Variants in RBFOX1 observed in about 807,000 individuals in gnomAD.
The protein encoded by RBFOX1 is RNA binding fox-1 homolog 1.
RBFOX1 carries 8 observed loss-of-function variants against 57.7 expected under a neutral mutation model. The ratio of observed to expected loss-of-function variants is 0.14; its 90% confidence interval spans 0.08 to 0.25. RBFOX1 has a LOEUF of 0.25. RBFOX1 is among the 10% of genes least tolerant of loss of function. The pLI is 1.00. For synonymous variants in RBFOX1, 326 were observed against 222.4 expected, an observed-to-expected ratio of 1.47 and a Z score of -4.15; for missense variants, 611 against 548.5, an observed-to-expected ratio of 1.11 and a Z score of -1.14.
At chr16:6,629,415 CAA>C (rs1030551938) in intron 2 of RBFOX1, among the ~76,000 whole-genome samples, 1 of 152,208 alleles carries the variant, frequency 6.6e-6, no homozygotes, top group African/African-American at 2.4e-5. Context: ...TACAATTTTT[CAA>C]AGTCAGCCTT....
At chr16:7,687,148 CCT>C (rs1351712074) in intron 14 of RBFOX1, among the ~76,000 whole-genome samples, 1 of 151,878 alleles carries the variant, frequency 6.6e-6, no homozygotes, top group East Asian at 1.9e-4. Context: ...CTGTGTATAC[CCT>C]GTCTCATTCT....
chr16:6,488,670 A>G (rs2095558901), intron 2 of RBFOX1, among the ~76,000 whole-genome samples: 1 of 152,212 alleles, frequency 6.6e-6, no homozygotes, highest in Non-Finnish European at 1.5e-5. Flanking sequence ...ATCTGTTTAC[A>G]CATAATGGGT....
At chr16:6,261,928 G>A (rs903045811) in intron 1 of RBFOX1, among the ~76,000 whole-genome samples, 1 of 152,080 alleles carries the variant, frequency 6.6e-6, no homozygotes, top group African/African-American at 2.4e-5. Flanking sequence ...TACTTGGGAG[G>A]CTGAGGCATG....
intron 1 of RBFOX1, among the ~76,000 whole-genome samples, chr16:6,282,565 T>G: frequency 6.6e-6 from 1 of 151,908 alleles, no homozygotes. Flanking sequence ...GGCCCCAGTG[T>G]GTGATATTCC....
At chr16:7,665,934 C>T (rs1229662793) in intron 13 of RBFOX1, among the ~76,000 whole-genome samples, 1 of 152,124 alleles carries the variant, frequency 6.6e-6, no homozygotes, top group African/African-American at 2.4e-5. Context: ...TATGTATCTC[C>T]ATCAATAATA....
chr16:6,083,608 C>T (rs753094961), intron 1 of RBFOX1, among the ~76,000 whole-genome samples: 1 of 152,148 alleles, frequency 6.6e-6, no homozygotes, highest in Non-Finnish European at 1.5e-5. Context: ...TCCCAAGTAG[C>T]TTGGACCACA....
chr16:5,273,092 C>G (rs373640581), intron 1 of RBFOX1, among the ~76,000 whole-genome samples: 2 of 152,114 alleles, frequency 1.3e-5, no homozygotes, highest in African/African-American at 2.4e-5. Context: ...AAGAGAAACT[C>G]GTTCTCTTTA....
intron 2 of RBFOX1, among the ~76,000 whole-genome samples, chr16:6,362,190 A>G (rs995936308): frequency 6.6e-6 from 1 of 152,084 alleles, no homozygotes; most frequent in African/African-American, 2.4e-5. Flanking sequence ...CCCCCCAAAA[A>G]ACAAAATTAA....
intron 1 of RBFOX1, among the ~76,000 whole-genome samples, chr16:5,376,929 TAGCACACCCTGCAC>T (rs57768463): frequency 0.21 from 31,916 of 151,392 alleles, 3,898 homozygotes; most frequent in African/African-American, 0.24. Flanking sequence ...AGTCTCTTCA[TAGCACACCCTGCAC>T]TGGCTTCCCT....
chr16:7,121,640 G>T (rs1600231), intron 4 of RBFOX1, among the ~76,000 whole-genome samples: 2 of 151,836 alleles, frequency 1.3e-5, no homozygotes, highest in Admixed American at 1.3e-4. Context: ...TGGTGTATAA[G>T]TTTAACACAA....
At position 6,211,820 on chromosome 16, in the gene RBFOX1, TTTTATTTATTTATTTATTTA is replaced by T. The variant is rs200566514; in HGVS notation, c.-126-105147_-126-105128del. ...TTCCATCCACTTAAAGGAATACATCTTTTATTTATTTATTTATTTATTTATTTATTTATTTATTTATTTAT... is the reference window on the plus strand; with the variant it reads ...TTCCATCCACTTAAAGGAATACATCTTTTATTTATTTATTTATTTATTTAT... On this transcript the variant is annotated intron_variant, in intron 1 of 15. Coordinates refer to ENST00000550418, the MANE Select transcript of RBFOX1 (RefSeq NM_018723.4). Among the ~76,000 whole-genome samples, 21 of 140,876 alleles carry T rather than the reference TTTTATTTATTTATTTATTTA, an allele frequency of 1.5e-4. 2 individuals are homozygous for T. The highest frequency in any genetic ancestry group is 1.3e-3 in the South Asian group (6 of 4,446). The allele number at this position is 140,876 out of a possible 152,430, so 92.4% of individuals were successfully genotyped here.
At chr16:5,620,486 TC>T (rs1596481483) in intron 3 of RBFOX1, among the ~76,000 whole-genome samples, 1 of 152,122 alleles carries the variant, frequency 6.6e-6, no homozygotes, top group African/African-American at 2.4e-5. Context: ...TTCTCATAGT[TC>T]TGGAGGCCAG....
chr16:7,345,691 G>T (rs951944024), intron 4 of RBFOX1, among the ~76,000 whole-genome samples: 1 of 152,116 alleles, frequency 6.6e-6, no homozygotes, highest in African/African-American at 2.4e-5. Flanking sequence ...GCCGTCTGGG[G>T]ATGGATAAAA....
intron 4 of RBFOX1, among the ~76,000 whole-genome samples, chr16:7,424,144 C>T (rs563764884): frequency 5.3e-5 from 8 of 152,078 alleles, no homozygotes; most frequent in African/African-American, 1.9e-4. Flanking sequence ...GAAAAAGAGC[C>T]ATGCAATGAT....
chr16:6,936,859 C>G (rs893750534), intron 3 of RBFOX1, among the ~76,000 whole-genome samples: 3 of 146,938 alleles, frequency 2.0e-5, no homozygotes, highest in Admixed American at 7.1e-5. Flanking sequence ...ATTTTAAAAG[C>G]TGCTCTCTGA....
rs185456766 is a variant in RBFOX1 at position 6,937,438 on chromosome 16, A to T, written c.-15-114619A>T. Among the ~76,000 whole-genome samples the T allele has an allele frequency of 1.2e-3, 181 of 152,278 alleles. 1 individual carries two copies. The highest frequency in any genetic ancestry group is 4.1e-3 in the Admixed American group (62 of 15,302). ...AGTTTTCTATGTGTTGGCCATTCAG[A>T]TGTCAATGAAAAGAGTCAAACTCTG... On this transcript the variant is annotated intron_variant, in intron 3 of 15. Transcript: ENST00000550418.
At chr16:6,578,606 T>TGC (rs1367083760) in intron 2 of RBFOX1, among the ~76,000 whole-genome samples, 1 of 148,132 alleles carries the variant, frequency 6.8e-6, no homozygotes, top group Non-Finnish European at 1.5e-5. Context: ...TGCGTGTGTG[T>TGC]GTGTGTGAGC....
intron 2 of RBFOX1, among the ~76,000 whole-genome samples, chr16:6,425,653 T>A (rs2093904328): frequency 6.6e-6 from 1 of 152,198 alleles, no homozygotes; most frequent in African/African-American, 2.4e-5. Context: ...TTTGATGGAC[T>A]TTGTAGGCAT....
At chr16:5,595,708 C>G (rs1225380764) in intron 2 of RBFOX1, among the ~76,000 whole-genome samples, 2 of 152,194 alleles carry the variant, frequency 1.3e-5, no homozygotes, top group South Asian at 2.1e-4. Context: ...CGCTGCATCT[C>G]TTGGCTCTGT....
Sources: gnomAD v4.1 joint callset for allele counts (sites outside exome capture counted in the v4.1 genomes callset) on GRCh38, gnomAD v4.1.1 for gene constraint, MANE v1.5 for transcripts, NCBI Gene and HGNC (gene_info 2026-07-23, HGNC 2026-07-21) for gene names.